Variants in SIK2 observed in about 807,000 individuals in gnomAD.
The protein encoded by SIK2 is serine/threonine-protein kinase SIK2.
A neutral mutation model predicts 103.2 loss-of-function variants in SIK2; 29 were observed. The observed-to-expected ratio is 0.28, with a 90% CI of 0.21 to 0.38. SIK2 has a LOEUF of 0.38. SIK2 is among the 10% of genes least tolerant of loss of function. The pLI is 1.00. For missense variants in SIK2, 879 were observed against 1,171.0 expected (o/e 0.75, Z 3.64); for synonymous variants, 412 against 446.1 (o/e 0.92, Z 0.96).
chr11:111,652,946 TAGACCAC>T (rs1224189615), intron 3 of SIK2, among the ~76,000 whole-genome samples: 1 of 152,248 alleles, frequency 6.6e-6, no homozygotes, highest in Admixed American at 6.5e-5. Flanking sequence ...GTATGTTTTG[TAGACCAC>T]AAACATTGAA....
chr11:111,686,252 G>T (rs572852992), intron 3 of SIK2, among the ~76,000 whole-genome samples: 2 of 152,202 alleles, frequency 1.3e-5, no homozygotes, highest in Admixed American at 6.5e-5. Context: ...ACCAGCCCGG[G>T]CAACATGGTG....
At chr11:111,646,526 A>T (rs1189757498) in intron 3 of SIK2, among the ~76,000 whole-genome samples, 1 of 152,146 alleles carries the variant, frequency 6.6e-6, no homozygotes, top group Non-Finnish European at 1.5e-5. Context: ...AGCCATCACC[A>T]CAATCAAGAC....
intron 4 of SIK2, among the ~76,000 whole-genome samples, chr11:111,699,717 G>T (rs754905038): frequency 6.6e-6 from 1 of 152,182 alleles, no homozygotes; most frequent in Non-Finnish European, 1.5e-5. Flanking sequence ...TGTATGTATG[G>T]TCTCAAGGTA....
intron 3 of SIK2, among the ~76,000 whole-genome samples, chr11:111,652,847 TAGA>T (rs1348473123): frequency 3.9e-5 from 6 of 152,190 alleles, no homozygotes; most frequent in East Asian, 1.9e-4. Flanking sequence ...AGTTAATAAT[TAGA>T]AGAAGTAGTC....
intron 3 of SIK2, among the ~76,000 whole-genome samples, chr11:111,629,657 T>C (rs1451694736): frequency 1.3e-5 from 2 of 151,998 alleles, no homozygotes; most frequent in East Asian, 3.9e-4. Context: ...AATTTAACAA[T>C]GGACAAAAGA....
rs1039480011 is a variant in SIK2 at position 111,726,573 on chromosome 11, C to A, written c.*2444C>A. 10 of 197,514 alleles carry A rather than the reference C, an allele frequency of 5.1e-5. No homozygotes were observed. The highest frequency in any genetic ancestry group is 1.0e-4 in the Non-Finnish European group (10 of 95,774). The allele number at this position is 197,514 out of a possible 1,614,324, so 12.2% of individuals were successfully genotyped here. The stretch of plus-strand genomic sequence containing the variant: ...TAAATTCCATAACCCTCTGTATTGA[C>A]TGCAATGTAAGCTGCTGAGGAGACT... On this transcript the variant is annotated 3_prime_UTR_variant, in exon 15 of 15. Transcript: ENST00000304987.
intron 7 of SIK2, among the ~76,000 whole-genome samples, chr11:111,704,271 C>G (rs1464532913): frequency 6.6e-6 from 1 of 152,204 alleles, no homozygotes; most frequent in Non-Finnish European, 1.5e-5. Context: ...GCTGAGAGTG[C>G]TCTGCATCCT....
chr11:111,724,759 G>A lies in SIK2; in HGVS notation c.*630G>A, dbSNP rs4936666. On this transcript the variant is annotated 3_prime_UTR_variant, in exon 15 of 15. Coordinates refer to ENST00000304987, the MANE Select transcript of SIK2 (RefSeq NM_015191.3). ...ACAGCTGGTACTGACCCCAGAAACC[G>A]CCTTCATCTCCATTCGGAAGCAGGT... The A allele has an allele frequency of 9.0e-3, 1,369 of 152,744 alleles. 12 individuals carry two copies. The highest frequency in any genetic ancestry group is 0.026 in the South Asian group (127 of 4,830). The allele number at this position is 152,744 out of a possible 1,614,324, so 9.5% of individuals were successfully genotyped here.
At position 111,727,050 on chromosome 11, in the gene SIK2, A is replaced by G. The variant is rs545264632; in HGVS notation, c.*2921A>G. 4 of 1,613,918 alleles carry G rather than the reference A, an allele frequency of 2.5e-6. No homozygotes were observed. Among genetic ancestry groups the G allele is most frequent in the South Asian group, 2.2e-5 (2 of 91,062 alleles). ...TCTAGTATCTCCACGCAACTGATAC[A>G]CTGGTCCCTGTAAGGCAAACAGCAT... On this transcript the variant is annotated 3_prime_UTR_variant, in exon 15 of 15. Coordinates refer to ENST00000304987, the MANE Select transcript of SIK2 (RefSeq NM_015191.3).
At chr11:111,614,085 ATT>A (rs5794759) in intron 1 of SIK2, among the ~76,000 whole-genome samples, 2 of 137,612 alleles carry the variant, frequency 1.5e-5, no homozygotes, top group Non-Finnish European at 1.6e-5. Context: ...CTCTCCCCCC[ATT>A]TTTTTTTTTT....
chr11:111,606,729 A>G (rs1941653547), intron 1 of SIK2, among the ~76,000 whole-genome samples: 1 of 152,112 alleles, frequency 6.6e-6, no homozygotes, highest in South Asian at 2.1e-4. Flanking sequence ...CTAAAAGGAA[A>G]TTTCCTAAGT....
chr11:111,720,670 A>C lies in SIK2; in HGVS notation c.1688A>C (p.Gln563Pro). The C allele has an allele frequency of 1.2e-6, 2 of 1,614,110 alleles. No individual in the cohort carries two copies. The highest frequency in any genetic ancestry group is 1.7e-6 in the Non-Finnish European group (2 of 1,180,010). Residue 563 changes from glutamine (Q) to proline (P), a missense_variant, in exon 11 of 15, where the codon CAG (glutamine) becomes CCG (proline). Coordinates refer to ENST00000304987, the MANE Select transcript of SIK2 (RefSeq NM_015191.3). Reference sequence around the variant, plus strand: ...CTGAGACCTACCAACCCAGCCATGCAGGCTCTGAGCTCCCAGAAACGAGAG... The same window carrying C: ...CTGAGACCTACCAACCCAGCCATGCCGGCTCTGAGCTCCCAGAAACGAGAG... ...ISLRPTNPAM[Q>P]ALSSQKREVH...
chr11:111,697,100 A>C (rs768464504), intron 4 of SIK2, among the ~76,000 whole-genome samples: 1 of 152,238 alleles, frequency 6.6e-6, no homozygotes, highest in Non-Finnish European at 1.5e-5. Flanking sequence ...GTGGTTAACA[A>C]TGAAGGCTCG....
At chr11:111,704,903 C>A in intron 7 of SIK2, 84 bp from the exon 8 acceptor site, 2 of 1,431,448 alleles carry the variant, frequency 1.4e-6, no homozygotes, top group Non-Finnish European at 1.9e-6. Flanking sequence ...CACACAATTT[C>A]TTTCCTCTTT....
At chr11:111,625,605 C>G (rs996092577) in intron 3 of SIK2, among the ~76,000 whole-genome samples, 2 of 152,176 alleles carry the variant, frequency 1.3e-5, no homozygotes, top group African/African-American at 4.8e-5. Flanking sequence ...AAGTGAACAT[C>G]TGTGACAAAT....
At chr11:111,695,754 C>G (rs544448585) in intron 4 of SIK2, among the ~76,000 whole-genome samples, 2 of 152,300 alleles carry the variant, frequency 1.3e-5, no homozygotes, top group African/African-American at 4.8e-5. Context: ...TTCATTATTT[C>G]ATTCCAACAA....
chr11:111,705,626 G>T lies in SIK2; in HGVS notation c.1101+487G>T, dbSNP rs573961406. On this transcript the variant is annotated intron_variant, in intron 8 of 14. Coordinates refer to ENST00000304987, the MANE Select transcript of SIK2 (RefSeq NM_015191.3). The surrounding 1 kb of genome is among the most constrained non-coding windows in gnomAD (Gnocchi z 4.3). ...GGGGCACATCTGAACAGGGGGAATG[G>T]CATGTAAGACACATCTTCACAGATG... 4.6e-5 allele frequency among the ~76,000 whole-genome samples: 7 copies of T among 152,230 alleles called. No homozygotes were observed. Among genetic ancestry groups the T allele is most frequent in the African/African-American group, 1.7e-4 (7 of 41,532 alleles).
intron 8 of SIK2, among the ~76,000 whole-genome samples, chr11:111,709,947 G>A (rs541716078): frequency 3.9e-5 from 6 of 152,282 alleles, no homozygotes; most frequent in South Asian, 2.1e-4. Context: ...AGTCAGGGAC[G>A]GAGCAGTGTG....
intron 3 of SIK2, among the ~76,000 whole-genome samples, chr11:111,640,684 A>G (rs1942169164): frequency 7.0e-6 from 1 of 143,488 alleles, no homozygotes; most frequent in Non-Finnish European, 1.5e-5. Flanking sequence ...ACGGGAAACT[A>G]TGAGAAAAGT....
Sources: gnomAD v4.1 joint callset for allele counts (sites outside exome capture counted in the v4.1 genomes callset) on GRCh38, gnomAD v4.1.1 for gene constraint, Gnocchi (gnomAD v3.1) non-coding constraint, MANE v1.5 for transcripts, NCBI Gene and HGNC (gene_info 2026-07-23, HGNC 2026-07-21) for gene names.